The following PRKG1 variants were observed in gnomAD, a reference collection of about 807,000 sequenced individuals.
PRKG1 encodes the protein cGMP-dependent protein kinase 1.
PRKG1 carries 35 observed loss-of-function variants against 88.1 expected under a neutral mutation model. The ratio of observed to expected loss-of-function variants is 0.40; its 90% CI spans 0.30 to 0.53. The LOEUF (loss-of-function observed/expected upper bound fraction) is 0.53. Ranked by LOEUF, PRKG1 falls within the 20% of genes least tolerant of loss-of-function variation. The probability of loss-of-function intolerance (pLI) is 0.59; values close to 1 mark genes in which losing one functional copy is unlikely to be tolerated. For missense variants in PRKG1, 540 were observed against 839.8 expected, an observed-to-expected ratio of 0.64 and a Z score of 4.41; for synonymous variants, 303 against 292.5, an observed-to-expected ratio of 1.04 and a Z score of -0.37.
chr10:51,462,358 G>T (rs932411361), intron 2 of PRKG1, among the ~76,000 whole-genome samples: 3 of 152,160 alleles, frequency 2.0e-5, no homozygotes, highest in African/African-American at 7.2e-5. Context: ...TATCATGAAA[G>T]TCCTTATGGC....
chr10:51,652,518 T>C (rs962766054), intron 3 of PRKG1, among the ~76,000 whole-genome samples: 2 of 152,058 alleles, frequency 1.3e-5, no homozygotes, highest in Non-Finnish European at 2.9e-5. Flanking sequence ...AAAGAACTTT[T>C]CCAGAGCTCC....
chr10:52,272,425 G>A lies in PRKG1; in HGVS notation c.1347G>A (p.Leu449=). The change falls in exon 12 of 18, where the codon TTG becomes TTA. Residue 449 remains leucine, a synonymous_variant. Transcript: ENST00000373980. ...LYRTFKDSKY[L]YMLMEACLGG... The stretch of plus-strand genomic sequence containing the variant: ...GAACATTTAAGGACAGCAAATATTT[G>A]TATATGTTGATGGAAGCTTGTCTAG... 6.2e-7 allele frequency: 1 copy of A among 1,610,666 alleles called. No homozygotes were observed. Among genetic ancestry groups the A allele is most frequent in the Non-Finnish European group, 8.5e-7 (1 of 1,177,694 alleles).
At chr10:51,757,630 G>C (rs1837904293) in intron 3 of PRKG1, among the ~76,000 whole-genome samples, 1 of 152,056 alleles carries the variant, frequency 6.6e-6, no homozygotes, top group Non-Finnish European at 1.5e-5. Context: ...CTGAGCACTT[G>C]AAATGTGACT....
chr10:52,140,596 G>A (rs2132648870), intron 8 of PRKG1, among the ~76,000 whole-genome samples: 1 of 152,232 alleles, frequency 6.6e-6, no homozygotes, highest in Non-Finnish European at 1.5e-5. Flanking sequence ...TAACTAATTA[G>A]AGATTAAAAT....
intron 5 of PRKG1, among the ~76,000 whole-genome samples, chr10:52,033,507 A>G (rs1269948599): frequency 6.6e-6 from 1 of 152,148 alleles, no homozygotes; most frequent in Non-Finnish European, 1.5e-5. Flanking sequence ...CTATGTTTAT[A>G]TCACCTTTTT....
chr10:51,333,888 C>G (rs926175273), intron 2 of PRKG1, among the ~76,000 whole-genome samples: 156 of 152,212 alleles, frequency 1.0e-3, no homozygotes, highest in Admixed American at 9.9e-3. Flanking sequence ...GTACCTGCAT[C>G]ATAGTAACAG....
At chr10:51,092,227 A>T (rs1351040218) in intron 1 of PRKG1, among the ~76,000 whole-genome samples, 1 of 152,198 alleles carries the variant, frequency 6.6e-6, no homozygotes, top group Non-Finnish European at 1.5e-5. Flanking sequence ...ACAAGCATAC[A>T]TGAGAAAAAT....
At chr10:51,353,345 A>T (rs1842294268) in intron 2 of PRKG1, among the ~76,000 whole-genome samples, 1 of 152,116 alleles carries the variant, frequency 6.6e-6, no homozygotes, top group South Asian at 2.1e-4. Flanking sequence ...GAAACAATTA[A>T]CAAAGTCAGG....
At chr10:52,159,527 A>G (rs1463826185) in intron 8 of PRKG1, among the ~76,000 whole-genome samples, 1 of 151,714 alleles carries the variant, frequency 6.6e-6, no homozygotes, top group Admixed American at 6.6e-5. Flanking sequence ...TTAAAACTCC[A>G]TCTAGCATAA....
In PRKG1 at chr10:52,282,283, T is replaced by C. The variant is rs1329313587; in HGVS notation, c.1676T>C (p.Leu559Pro). The C allele has an allele frequency of 6.2e-7, 1 of 1,608,276 alleles. No homozygotes were observed. The highest frequency in any genetic ancestry group is 8.5e-7 in the Non-Finnish European group (1 of 1,176,434). Reference sequence around the variant, plus strand: ...GACATTTCAGCCGACTACTGGTCACTGGGAATCCTAATGTATGAACTCCTG... The same window carrying C: ...GACATTTCAGCCGACTACTGGTCACCGGGAATCCTAATGTATGAACTCCTG... ...GHDISADYWSLGILMYELLTG... is the reference protein window; with the variant it reads ...GHDISADYWSPGILMYELLTG... The change falls in exon 14 of 18, where the codon CTG (leucine) becomes CCG (proline). Residue 559 changes from leucine (L) to proline (P), a missense_variant. This residue lies in a region of PRKG1 where 97 missense variants were observed against 210.6 expected (regional missense o/e 0.46). Transcript: ENST00000373980.
chr10:50,993,389 G>A lies in PRKG1; in HGVS notation c.266+1745G>A, dbSNP rs376639869. Among the ~76,000 whole-genome samples the A allele has an allele frequency of 5.6e-4, 85 of 152,300 alleles. 2 individuals carry two copies. In the South Asian group the frequency reaches 0.016, roughly 29 times the overall value. On this transcript the variant is annotated intron_variant, in intron 1 of 17. Coordinates refer to the PRKG1 transcript ENST00000401604. ...CATCTTGCCTTGAAAGTCCCTGTTG[G>A]ATGGAACAGTGGCATTTTCCTTCCT... is the stretch of plus-strand genomic sequence containing the variant.
chr10:51,219,900 C>T (rs1264539919), intron 2 of PRKG1, among the ~76,000 whole-genome samples: 1 of 152,006 alleles, frequency 6.6e-6, no homozygotes, highest in African/African-American at 2.4e-5. Flanking sequence ...CAAGATTCCA[C>T]GTGTCCTGAT....
intron 1 of PRKG1, among the ~76,000 whole-genome samples, chr10:51,011,620 A>G (rs1223637879): frequency 6.6e-6 from 1 of 152,212 alleles, no homozygotes; most frequent in Non-Finnish European, 1.5e-5. Flanking sequence ...AAACATATCA[A>G]CATTTAAGTG....
At chr10:51,326,938 CTTAT>C (rs766456655) in intron 2 of PRKG1, among the ~76,000 whole-genome samples, 73 of 152,290 alleles carry the variant, frequency 4.8e-4, no homozygotes, top group Non-Finnish European at 5.9e-4. Context: ...GTATTTGTCT[CTTAT>C]TTATTGTGTT....
chr10:51,502,774 G>A (rs1479575922), intron 3 of PRKG1, among the ~76,000 whole-genome samples: 1 of 152,124 alleles, frequency 6.6e-6, no homozygotes, highest in Non-Finnish European at 1.5e-5. Flanking sequence ...GAAATGATTA[G>A]TCAAGTCTAG....
intron 3 of PRKG1, among the ~76,000 whole-genome samples, chr10:51,795,289 A>G (rs1838980304): frequency 6.6e-6 from 1 of 152,108 alleles, no homozygotes; most frequent in Non-Finnish European, 1.5e-5. Context: ...GAATATGGTG[A>G]CAACATTGAT....
intron 3 of PRKG1, among the ~76,000 whole-genome samples, chr10:51,580,478 T>G (rs893097864): frequency 1.3e-4 from 20 of 152,266 alleles, no homozygotes; most frequent in Middle Eastern, 3.4e-3. Context: ...TTAATCGGTA[T>G]GTTTCTGAAT....
At chr10:51,686,948 G>A (rs1397180413) in intron 3 of PRKG1, among the ~76,000 whole-genome samples, 2 of 151,982 alleles carry the variant, frequency 1.3e-5, no homozygotes, top group African/African-American at 4.8e-5. Context: ...TATTGGCCAG[G>A]CAGGTCTCAA....
chr10:51,884,330 A>G (rs1335670790), intron 4 of PRKG1, among the ~76,000 whole-genome samples: 2 of 146,324 alleles, frequency 1.4e-5, no homozygotes, highest in Non-Finnish European at 3.0e-5. Context: ...CTGTAGTCCC[A>G]GCTACACGGG....
Sources: allele counts gnomAD v4.1 joint callset (sites outside exome capture counted in the v4.1 genomes callset), GRCh38; gene constraint gnomAD v4.1.1; regional missense constraint gnomAD v4.1.1; transcripts MANE v1.5; gene names NCBI Gene and HGNC (gene_info 2026-07-23, HGNC 2026-07-21).